The following ADGRL2 variants were observed in gnomAD, a reference collection of about 807,000 sequenced individuals.
ADGRL2 encodes the protein calcium-independent alpha-latrotoxin receptor 2.
ADGRL2 carries 44 observed loss-of-function variants against 157.4 expected under a neutral mutation model. The observed-to-expected ratio is 0.28, with a 90% CI of 0.22 to 0.36. The LOEUF (loss-of-function observed/expected upper bound fraction) is 0.36. Ranked by LOEUF, ADGRL2 falls within the 10% of genes least tolerant of loss-of-function variation. The pLI, the probability that ADGRL2 is intolerant of heterozygous loss-of-function variation, is 1.00. For synonymous variants in ADGRL2, 585 were observed against 624.7 expected, an observed-to-expected ratio of 0.94 and a Z score of 0.95; for missense variants, 1,510 against 1,768.9, an observed-to-expected ratio of 0.85 and a Z score of 2.63.
intron 1 of ADGRL2, chr1:81,699,931 C>G (rs1412655118): frequency 6.6e-6 from 1 of 152,174 alleles, no homozygotes; most frequent in Admixed American, 6.5e-5. Flanking sequence ...ATTTCAGGAT[C>G]TTGAACTTGA....
chr1:81,427,904 C>T (rs906479617), intron 1 of ADGRL2, among the ~76,000 whole-genome samples: 1 of 152,096 alleles, frequency 6.6e-6, no homozygotes, highest in African/African-American at 2.4e-5. Context: ...TTTTCTTCTT[C>T]TTTTTCTTTT....
chr1:81,604,311 T>C (rs942722763), intron 3 of ADGRL2, among the ~76,000 whole-genome samples: 2 of 152,082 alleles, frequency 1.3e-5, no homozygotes, highest in African/African-American at 4.8e-5. Context: ...GCTACTTTGG[T>C]TGAAGTAGTG....
intron 2 of ADGRL2, chr1:81,502,527 T>C: frequency 6.2e-7 from 1 of 1,614,020 alleles, no homozygotes; most frequent in Non-Finnish European, 8.5e-7. Flanking sequence ...ATCCTGGACC[T>C]GTACATGCTG....
intron 2 of ADGRL2, among the ~76,000 whole-genome samples, chr1:81,532,812 C>T (rs115330019): frequency 0.02 from 2,997 of 151,254 alleles, 66 homozygotes; most frequent in Non-Finnish European, 0.026. Context: ...CCCAGCCACT[C>T]GGGAGGCAAA....
intron 3 of ADGRL2, among the ~76,000 whole-genome samples, chr1:81,654,610 G>T (rs750402913): frequency 6.6e-6 from 1 of 152,164 alleles, no homozygotes; most frequent in Non-Finnish European, 1.5e-5. Flanking sequence ...GTATTCAAGA[G>T]CCTTCATGCT....
intron 1 of ADGRL2, among the ~76,000 whole-genome samples, chr1:81,441,908 T>C (rs1205662660): frequency 1.3e-5 from 2 of 152,162 alleles, no homozygotes; most frequent in African/African-American, 4.8e-5. Flanking sequence ...GGTGCGATCA[T>C]AGCTCACTGC....
intron 1 of ADGRL2, among the ~76,000 whole-genome samples, chr1:81,749,395 A>G (rs9729825): frequency 0.19 from 28,937 of 152,048 alleles, 2,985 homozygotes; most frequent in South Asian, 0.26. Flanking sequence ...CACATCTACC[A>G]TTACTTCTCC....
intron 3 of ADGRL2, among the ~76,000 whole-genome samples, chr1:81,617,936 G>A (rs2081697933): frequency 6.6e-6 from 1 of 152,154 alleles, no homozygotes; most frequent in Non-Finnish European, 1.5e-5. Flanking sequence ...TGTGGAAGGA[G>A]CAACACCCCA....
chr1:81,347,640 A>C (rs766894131), intron 1 of ADGRL2, among the ~76,000 whole-genome samples: 1 of 152,308 alleles, frequency 6.6e-6, no homozygotes, highest in South Asian at 2.1e-4. Context: ...AGGAATTGTT[A>C]ATCAAAAAGG....
chr1:81,907,188 C>T lies in ADGRL2; in HGVS notation c.245C>T (p.Thr82Ile). 1 of 1,614,066 alleles carries T rather than the reference C, an allele frequency of 6.2e-7. No individual in the cohort carries two copies. Among genetic ancestry groups the T allele is most frequent in the Non-Finnish European group, 8.5e-7 (1 of 1,179,980 alleles). The change falls in exon 3 of 24, where the codon ACA becomes ATA. Residue 82 changes from threonine to isoleucine, a missense_variant. Physicochemically the swap from Thr to Ile is moderately conservative, Grantham distance 89. Transcript: ENST00000686636. ...CDADPFQMEN[T>I]DCYLPDAFKI... ...GCTGACCCATTTCAGATGGAGAATA[C>T]AGACTGCTACCTCCCCGATGCCTTC...
At chr1:81,855,037 C>T (rs17107361) in intron 2 of ADGRL2, among the ~76,000 whole-genome samples, 2,756 of 152,110 alleles carry the variant, frequency 0.018, 75 homozygotes, top group African/African-American at 0.062. Context: ...CTATTGAAAG[C>T]GTTGAGAATA....
chr1:81,726,615 G>A (rs2084538891), intron 1 of ADGRL2, among the ~76,000 whole-genome samples: 1 of 152,162 alleles, frequency 6.6e-6, no homozygotes, highest in East Asian at 1.9e-4. Context: ...TTTGGGAGAA[G>A]GAGGTCCTAT....
At chr1:81,402,625 C>A (rs888906646) in intron 1 of ADGRL2, among the ~76,000 whole-genome samples, 1 of 152,176 alleles carries the variant, frequency 6.6e-6, no homozygotes, top group Admixed American at 6.5e-5. Flanking sequence ...ACTTCCTACC[C>A]TCCTCTGAAA....
chr1:81,968,383 T>C (rs1286907960), intron 14 of ADGRL2, among the ~76,000 whole-genome samples, 184 bp downstream of exon 14: 2 of 152,234 alleles, frequency 1.3e-5, no homozygotes, highest in Non-Finnish European at 2.9e-5. Flanking sequence ...TTGTTACTTC[T>C]CAAAATCATA....
chr1:81,350,490 T>A (rs1240646702), intron 1 of ADGRL2, among the ~76,000 whole-genome samples: 2 of 152,190 alleles, frequency 1.3e-5, no homozygotes, highest in Non-Finnish European at 2.9e-5. Flanking sequence ...TTGCTAAGAT[T>A]TGAATCTGAA....
chr1:81,434,573 T>C (rs986510154), intron 1 of ADGRL2, among the ~76,000 whole-genome samples: 4 of 152,190 alleles, frequency 2.6e-5, no homozygotes, highest in Non-Finnish European at 5.9e-5. Flanking sequence ...ACCCAGTGAA[T>C]ACAAAACTGT....
intron 2 of ADGRL2, 92 bp from the exon 3 acceptor site, chr1:81,906,925 A>G: frequency 9.9e-7 from 1 of 1,007,108 alleles, no homozygotes; most frequent in Non-Finnish European, 1.5e-6. Context: ...TCTTGACGAT[A>G]GACATGAATC....
intron 3 of ADGRL2, among the ~76,000 whole-genome samples, chr1:81,657,590 TCTC>T (rs1304263480): frequency 1.3e-5 from 2 of 152,048 alleles, no homozygotes; most frequent in Admixed American, 6.5e-5. Flanking sequence ...AAATCTCACT[TCTC>T]CTGCCAGGAG....
chr1:81,337,531 T>C (rs1661742202), intron 1 of ADGRL2, among the ~76,000 whole-genome samples: 2 of 152,208 alleles, frequency 1.3e-5, no homozygotes, highest in African/African-American at 4.8e-5. Flanking sequence ...AAAAATTTCC[T>C]GTTTCAATTC....
Sources: allele counts gnomAD v4.1 joint callset (sites outside exome capture counted in the v4.1 genomes callset), GRCh38; gene constraint gnomAD v4.1.1; transcripts MANE v1.5; gene names NCBI Gene and HGNC (gene_info 2026-07-23, HGNC 2026-07-21).